Variants in LRP1B observed in about 807,000 individuals in gnomAD.
LRP1B encodes the protein LDL receptor related protein 1B.
LRP1B carries 217 observed loss-of-function variants against 556.6 expected under a neutral mutation model. The observed-to-expected ratio is 0.39, with a 90% CI of 0.35 to 0.44. The LOEUF (loss-of-function observed/expected upper bound fraction) is 0.44. Ranked by LOEUF, LRP1B falls within the 20% of genes least tolerant of loss-of-function variation. LRP1B has a pLI of 1.00. For missense variants in LRP1B, 5,053 were observed against 5,620.8 expected (o/e 0.90, Z 3.23); for synonymous variants, 2,047 against 1,865.8 (o/e 1.10, Z -2.50).
chr2:140,734,967 G>T (rs1687898272), intron 35 of LRP1B, among the ~76,000 whole-genome samples: 1 of 152,158 alleles, frequency 6.6e-6, no homozygotes, highest in Non-Finnish European at 1.5e-5. Flanking sequence ...TCTCTCACAG[G>T]TGTATTTCTC....
At chr2:141,387,450 G>T (rs967079957) in intron 3 of LRP1B, among the ~76,000 whole-genome samples, 1 of 151,910 alleles carries the variant, frequency 6.6e-6, no homozygotes, top group African/African-American at 2.4e-5. Context: ...GAAAAAAAGA[G>T]AAAATAGAAT....
intron 66 of LRP1B, among the ~76,000 whole-genome samples, chr2:140,410,307 T>C (rs1684917844): frequency 1.3e-5 from 2 of 152,114 alleles, no homozygotes; most frequent in East Asian, 3.9e-4. Context: ...TTAGCCTTTA[T>C]CTTATCATTT....
chr2:140,533,929 A>C (rs16844175), intron 47 of LRP1B, 92 bp downstream of exon 47: 48,353 of 1,384,076 alleles, frequency 0.035, 1,374 homozygotes, highest in African/African-American at 0.15. Context: ...ACTAGGTGTT[A>C]TATGCCACAG....
intron 1 of LRP1B, among the ~76,000 whole-genome samples, chr2:142,029,478 A>T (rs1260296465): frequency 1.3e-5 from 2 of 151,902 alleles, no homozygotes; most frequent in African/African-American, 2.4e-5. Context: ...CAATAGAAAT[A>T]GAAAACATAT....
chr2:140,714,700 A>G (rs939252160), intron 37 of LRP1B, among the ~76,000 whole-genome samples: 2 of 152,132 alleles, frequency 1.3e-5, no homozygotes, highest in Non-Finnish European at 2.9e-5. Flanking sequence ...GCCTTAGAAT[A>G]ATGATTCACA....
chr2:141,881,351 G>A (rs150760986), intron 1 of LRP1B, among the ~76,000 whole-genome samples: 141 of 152,112 alleles, frequency 9.3e-4, no homozygotes, highest in Non-Finnish European at 1.7e-3. Flanking sequence ...ACAATTGTGA[G>A]GAGGAAAGAG....
chr2:140,598,226 C>A (rs2105186891), intron 43 of LRP1B, among the ~76,000 whole-genome samples: 1 of 152,304 alleles, frequency 6.6e-6, no homozygotes, highest in African/African-American at 2.4e-5. Flanking sequence ...TTTAAGGACA[C>A]AAACACAGAG....
At chr2:140,374,402 T>A (rs1378767508) in intron 68 of LRP1B, among the ~76,000 whole-genome samples, 1 of 152,204 alleles carries the variant, frequency 6.6e-6, no homozygotes, top group Admixed American at 6.6e-5. Flanking sequence ...AAGAGTTCAC[T>A]TTCTAAATTC....
In LRP1B at chr2:141,255,245, A is replaced by G. The variant is rs184295652; in HGVS notation, c.344-604T>C. 8.7e-4 allele frequency among the ~76,000 whole-genome samples: 133 copies of G among 152,178 alleles called. 1 individual carries two copies. The highest frequency in any genetic ancestry group is 9.4e-4 in the Non-Finnish European group (64 of 67,940). On this transcript the variant is annotated intron_variant, in intron 3 of 90. Coordinates refer to ENST00000389484, the MANE Select transcript of LRP1B (RefSeq NM_018557.3). The stretch of plus-strand genomic sequence containing the variant: ...GAAATAGAGATGAAGTGACAGGAGC[A>G]CATTTATTGCACAAACAATCGCTAA...
intron 2 of LRP1B, among the ~76,000 whole-genome samples, chr2:141,707,402 C>T (rs1692185097): frequency 6.6e-6 from 1 of 152,026 alleles, no homozygotes; most frequent in Admixed American, 6.6e-5. Flanking sequence ...GATCTGATAC[C>T]AATTCTCCAT....
intron 53 of LRP1B, among the ~76,000 whole-genome samples, chr2:140,505,565 C>T (rs1276991669): frequency 1.3e-5 from 2 of 152,192 alleles, no homozygotes; most frequent in Admixed American, 6.5e-5. Flanking sequence ...CTCTCTGTCT[C>T]ATTCATCTCT....
chr2:140,624,593 G>T (rs981509467), intron 41 of LRP1B, among the ~76,000 whole-genome samples: 11 of 152,100 alleles, frequency 7.2e-5, no homozygotes, highest in Non-Finnish European at 7.3e-5. Context: ...AAAGGATTGG[G>T]AATATAGCAT....
rs780278871 is a variant in LRP1B, at chr2:140,950,306, T to A, written c.3065A>T (p.His1022Leu). 6.2e-7 allele frequency: 1 copy of A among 1,611,244 alleles called. No homozygotes were observed. Residue 1022 changes from histidine (H) to leucine (L), a missense_variant, in exon 20 of 91, where the codon CAC becomes CTC. Coordinates refer to ENST00000389484, the MANE Select transcript of LRP1B (RefSeq NM_018557.3). Reference sequence around the variant, plus strand: ...GTCATTGTCACCATCACAGGCCCAGTGGCCTGGGATGCATCTGCCACTGGA... The same window carrying A: ...GTCATTGTCACCATCACAGGCCCAGAGGCCTGGGATGCATCTGCCACTGGA... ...RCSSGRCIPGHWACDGDNDCG... is the reference protein window; with the variant it reads ...RCSSGRCIPGLWACDGDNDCG...
At chr2:141,111,797 T>C (rs1159087918) in intron 7 of LRP1B, among the ~76,000 whole-genome samples, 1 of 152,006 alleles carries the variant, frequency 6.6e-6, no homozygotes, top group Admixed American at 6.6e-5. Context: ...ACGCCTGTAA[T>C]CCCAGCACTT....
chr2:141,493,732 G>A (rs541502091), intron 2 of LRP1B, among the ~76,000 whole-genome samples: 38 of 152,256 alleles, frequency 2.5e-4, no homozygotes, highest in South Asian at 2.1e-4. Flanking sequence ...TTTAAAATCA[G>A]AAGTGTTTTC....
intron 41 of LRP1B, among the ~76,000 whole-genome samples, chr2:140,691,695 G>T (rs550315648): frequency 6.6e-6 from 1 of 152,120 alleles, no homozygotes; most frequent in East Asian, 1.9e-4. Context: ...CAGATAGCAG[G>T]CACCTATCAT....
chr2:141,168,563 A>C (rs1387410338), intron 7 of LRP1B, among the ~76,000 whole-genome samples: 2 of 152,122 alleles, frequency 1.3e-5, no homozygotes, highest in African/African-American at 4.8e-5. Flanking sequence ...TCAAAAAAGA[A>C]AAGACCATGA....
At chr2:141,407,038 T>C (rs951392215) in intron 3 of LRP1B, among the ~76,000 whole-genome samples, 3 of 152,152 alleles carry the variant, frequency 2.0e-5, no homozygotes, top group African/African-American at 7.2e-5. Context: ...TACCACAAAG[T>C]CCAACAAAAT....
intron 21 of LRP1B, among the ~76,000 whole-genome samples, chr2:140,909,334 A>G (rs1694349706): frequency 6.6e-6 from 1 of 152,152 alleles, no homozygotes; most frequent in African/African-American, 2.4e-5. Context: ...TCCAAAAGTC[A>G]TTAGGTATTT....
Sources: allele counts gnomAD v4.1 joint callset (sites outside exome capture counted in the v4.1 genomes callset), GRCh38; gene constraint gnomAD v4.1.1; transcripts MANE v1.5; gene names NCBI Gene and HGNC (gene_info 2026-07-23, HGNC 2026-07-21).